Variants in DISP3 observed in about 807,000 individuals in gnomAD.
DISP3 encodes protein dispatched homolog 3.
DISP3 carries 101 observed loss-of-function variants against 135.3 expected under a neutral mutation model. That is an observed-to-expected ratio of 0.75 (90% CI 0.64 to 0.88). The LOEUF (loss-of-function observed/expected upper bound fraction) is 0.88. Among genes scored for constraint, DISP3 ranks in the 40% least tolerant of loss-of-function variants. DISP3 has a pLI of 0.00. For missense variants in DISP3, 1,713 were observed against 1,878.6 expected (o/e 0.91, Z 1.63); for synonymous variants, 856 against 817.0 (o/e 1.05, Z -0.81).
chr1:11,525,992 T>G (rs1642405213), intron 12 of DISP3, among the ~76,000 whole-genome samples: 1 of 152,174 alleles, frequency 6.6e-6, no homozygotes, highest in South Asian at 2.1e-4. Flanking sequence ...CTTTTATTTT[T>G]TGTAGAGACA....
chr1:11,519,206 C>T lies in DISP3; in HGVS notation c.1890-149C>T, dbSNP rs535467789. 2.7e-5 allele frequency: 26 copies of T among 973,536 alleles called. 1 individual carries two copies. In the South Asian group the frequency reaches 3.2e-4, roughly 12 times the overall value. 60.3% of individuals were successfully genotyped at this position (973,536 alleles called of 1,614,324 possible). On this transcript the variant is annotated intron_variant, in intron 7 of 20. Transcript: ENST00000294484. This position sits in a 1 kb window ranked among gnomAD's most constrained non-coding sequence, Gnocchi z 4.3. The stretch of plus-strand genomic sequence containing the variant: ...ATGGTACTAGAAAGAAACCAGGTGA[C>T]CAGCTCCCAGAAGTCTGGGGTGCTC...
At chr1:11,522,704 GGACCC>G (rs1642256041) in intron 10 of DISP3, among the ~76,000 whole-genome samples, 4 of 133,838 alleles carry the variant, frequency 3.0e-5, no homozygotes, top group Admixed American at 7.5e-5. Context: ...GGCCCAGCCA[GGACCC>G]AGCCAGGGCC....
intron 1 of DISP3, among the ~76,000 whole-genome samples, chr1:11,486,257 G>C (rs961252656): frequency 2.0e-4 from 31 of 152,286 alleles, no homozygotes; most frequent in African/African-American, 7.5e-4. Context: ...GTATTTGTTG[G>C]TTTTAAGGCA....
At chr1:11,515,539 C>T in intron 5 of DISP3, 36 bp downstream of exon 5, 2 of 1,568,444 alleles carry the variant, frequency 1.3e-6, no homozygotes, top group Middle Eastern at 1.7e-4. Context: ...GTGCGCCTCC[C>T]ACATGGGAAG....
At chr1:11,494,538 G>C (rs12129875) in intron 1 of DISP3, among the ~76,000 whole-genome samples, 12 of 152,114 alleles carry the variant, frequency 7.9e-5, no homozygotes, top group African/African-American at 2.7e-4. Flanking sequence ...GTATCAGGAC[G>C]TAGGACAGTG....
intron 1 of DISP3, among the ~76,000 whole-genome samples, chr1:11,488,332 C>G (rs771068520): frequency 6.6e-6 from 1 of 152,108 alleles, no homozygotes; most frequent in Non-Finnish European, 1.5e-5. Context: ...GTGTCAGACT[C>G]CCCCCACCCC....
intron 3 of DISP3, among the ~76,000 whole-genome samples, 165 bp from the exon 4 acceptor site, chr1:11,514,225 G>A (rs573434919): frequency 6.6e-6 from 1 of 152,304 alleles, no homozygotes; most frequent in African/African-American, 2.4e-5. Flanking sequence ...AGCCTGGCCT[G>A]GACATCAGGA....
In DISP3 at chr1:11,520,119, C is replaced by T. The variant is rs997649759; in HGVS notation, c.2200+239C>T. 3.3e-5 allele frequency among the ~76,000 whole-genome samples: 5 copies of T among 152,226 alleles called. No homozygotes were observed. The highest frequency in any genetic ancestry group is 5.9e-5 in the Non-Finnish European group (4 of 68,046). Reference sequence around the variant, plus strand: ...GGGCAGTAGCACAGAGCATGCCACACATGGGCCCTGGAGTTAGACCCACTT... The same window carrying T: ...GGGCAGTAGCACAGAGCATGCCACATATGGGCCCTGGAGTTAGACCCACTT... On this transcript the variant is annotated intron_variant, in intron 9 of 20. Coordinates refer to ENST00000294484, the MANE Select transcript of DISP3 (RefSeq NM_020780.2). The surrounding 1 kb of genome is among the most constrained non-coding windows in gnomAD (Gnocchi z 4.8).
At chr1:11,489,178 T>C (rs754796248) in intron 1 of DISP3, among the ~76,000 whole-genome samples, 12 of 152,224 alleles carry the variant, frequency 7.9e-5, no homozygotes, top group Admixed American at 1.3e-4. Flanking sequence ...AGGCTGCGGG[T>C]ACAGCCCTCT....
At position 11,535,055 on chromosome 1, in the gene DISP3, T is replaced by C; in HGVS notation, c.3580T>C (p.Cys1194Arg). ...LCGLVLSLLI[C>R]VAAVAVFTTH... ...CGGCCTGGTGCTATCCCTGCTCATC[T>C]GCGTGGCCGCGGTGGCCGTGTTCAC... Residue 1194 changes from cysteine to arginine, a missense_variant, in exon 19 of 21, where the codon TGC becomes CGC. Around this residue, in one of 2 missense-constraint regions of DISP3, gnomAD observed 1,142 missense variants for 1,384.6 expected, o/e 0.82. Transcript: ENST00000294484. The C allele has an allele frequency of 1.2e-6, 2 of 1,606,010 alleles. No individual in the cohort carries two copies. Among genetic ancestry groups the C allele is most frequent in the Non-Finnish European group, 8.5e-7 (1 of 1,177,670 alleles).
At chr1:11,482,411 C>CT (rs1198153599) in intron 1 of DISP3, among the ~76,000 whole-genome samples, 3 of 152,216 alleles carry the variant, frequency 2.0e-5, no homozygotes, top group Non-Finnish European at 4.4e-5. Context: ...CACCATGTGG[C>CT]TAAGCAGCCT....
intron 15 of DISP3, among the ~76,000 whole-genome samples, chr1:11,530,439 TTTA>T (rs1642547644): frequency 1.3e-5 from 2 of 152,140 alleles, no homozygotes; most frequent in Non-Finnish European, 1.5e-5. Context: ...GTCCTTTGCC[TTTA>T]TTAGTCACAG....
Position 11,531,802 on chromosome 1 carries a change from A to C in DISP3, c.3375+92A>C. The stretch of plus-strand genomic sequence containing the variant: ...CAGCCCTCTTCCCAGATCGGGGGGG[A>C]GATGCTGAGGCCCAGAGAGGTGGAG... On this transcript the variant is annotated intron_variant, in intron 17 of 20. Coordinates refer to ENST00000294484, the MANE Select transcript of DISP3 (RefSeq NM_020780.2). The surrounding 1 kb of genome is among the most constrained non-coding windows in gnomAD (Gnocchi z 5.2). The C allele has an allele frequency of 3.4e-6, 5 of 1,480,882 alleles. No homozygotes were observed. The South Asian group carries it at 6.8e-5, about 20-fold the overall frequency. 91.7% of individuals were successfully genotyped at this position (1,480,882 alleles called of 1,614,324 possible).
chr1:11,535,836 C>G (rs767950640), intron 20 of DISP3, among the ~76,000 whole-genome samples, 192 bp downstream of exon 20: 16 of 152,266 alleles, frequency 1.1e-4, no homozygotes, highest in Non-Finnish European at 1.5e-4. Flanking sequence ...GTCCACACCT[C>G]CCAGCCTCAG....
intron 1 of DISP3, among the ~76,000 whole-genome samples, chr1:11,488,635 C>CTGTGTG (rs1491192088): frequency 3.6e-5 from 3 of 83,878 alleles, no homozygotes; most frequent in African/African-American, 1.4e-4. Context: ...AGGGCAGATG[C>CTGTGTG]TCTGTGTGTG....
At chr1:11,493,976 G>A (rs1023768848) in intron 1 of DISP3, among the ~76,000 whole-genome samples, 1 of 152,214 alleles carries the variant, frequency 6.6e-6, no homozygotes, top group Non-Finnish European at 1.5e-5. Context: ...GTCTTATGGG[G>A]ATGGGGCAAA....
At position 11,531,725 on chromosome 1, in the gene DISP3, C is replaced by A. The variant is rs766035627; in HGVS notation, c.3375+15C>A. 1.0e-5 allele frequency: 16 copies of A among 1,584,432 alleles called. No homozygotes were observed. Among genetic ancestry groups the A allele is most frequent in the Non-Finnish European group, 1.3e-5 (15 of 1,164,640 alleles). On this transcript the variant is annotated intron_variant, in intron 17 of 20. Transcript: ENST00000294484. This position sits in a 1 kb window ranked among gnomAD's most constrained non-coding sequence, Gnocchi z 5.2. ...CTTTCGAGTCGGTGAGCCCAGGCAG[C>A]CTCACTGGGTGCCATGCTGCGTACT...
chr1:11,496,213 C>G (rs563680626), intron 1 of DISP3, among the ~76,000 whole-genome samples: 1 of 152,088 alleles, frequency 6.6e-6, no homozygotes, highest in Non-Finnish European at 1.5e-5. Flanking sequence ...TTATGAGGCT[C>G]CCTAGGGCCT....
chr1:11,512,543 G>C (rs539376600), intron 3 of DISP3, among the ~76,000 whole-genome samples: 95 of 152,228 alleles, frequency 6.2e-4, no homozygotes, highest in African/African-American at 2.2e-3. Context: ...GACCACCTCA[G>C]CCTGAATTTT....
Sources: allele counts gnomAD v4.1 joint callset (sites outside exome capture counted in the v4.1 genomes callset), GRCh38; gene constraint gnomAD v4.1.1; regional missense constraint gnomAD v4.1.1; non-coding constraint Gnocchi (gnomAD v3.1); transcripts MANE v1.5; gene names NCBI Gene and HGNC (gene_info 2026-07-23, HGNC 2026-07-21).